Variants in PPM1E observed in about 807,000 individuals in gnomAD.
PPM1E encodes protein phosphatase, Mg2+/Mn2+ dependent 1E, also known as protein phosphatase 1E.
Under a neutral mutation model 65.9 loss-of-function variants are expected in PPM1E, and 20 were observed. That is an observed-to-expected ratio of 0.30 (90% CI 0.21 to 0.44). PPM1E has a LOEUF of 0.44. Among genes scored for constraint, PPM1E ranks in the 20% least tolerant of loss-of-function variants. PPM1E has a pLI of 1.00. For synonymous variants in PPM1E, 352 were observed against 374.9 expected (o/e 0.94, Z 0.70); for missense variants, 713 against 953.1 (o/e 0.75, Z 3.32).
intron 1 of PPM1E, among the ~76,000 whole-genome samples, chr17:58,785,043 G>C (rs537439187): frequency 6.6e-6 from 1 of 152,104 alleles, no homozygotes; most frequent in Non-Finnish European, 1.5e-5. Context: ...GTCCTTTGGT[G>C]TTGCCCAATC....
intron 4 of PPM1E, among the ~76,000 whole-genome samples, chr17:58,970,923 CTCTAT>C (rs549890086): frequency 1.4e-4 from 21 of 152,168 alleles, no homozygotes; most frequent in Non-Finnish European, 2.5e-4. Context: ...CTTCTTCATC[CTCTAT>C]TCTATTCTTT....
intron 1 of PPM1E, among the ~76,000 whole-genome samples, chr17:58,852,793 G>A (rs540878170): frequency 2.6e-5 from 4 of 151,934 alleles, no homozygotes; most frequent in South Asian, 4.2e-4. Flanking sequence ...TATTAGAGAC[G>A]GGGTTTCACC....
chr17:58,984,617 T>G lies in PPM1E; in HGVS notation c.*3586T>G, dbSNP rs3809723. On this transcript the variant is annotated 3_prime_UTR_variant, in exon 7 of 7. Coordinates refer to ENST00000308249, the MANE Select transcript of PPM1E (RefSeq NM_014906.5). ...TTCACCTTTGAAAATCACGTGATGT[T>G]AAAGGACAAATGCCCACTCTTCTAT... 0.38 allele frequency: 58,135 copies of G among 152,450 alleles called. 11,292 individuals carry two copies. The highest frequency in any genetic ancestry group is 0.5 in the Middle Eastern group (148 of 294). The allele number at this position is 152,450 out of a possible 1,614,324, so 9.4% of individuals were successfully genotyped here. A position where few individuals can be genotyped will look rare whatever the true frequency, so the allele number is the denominator to read the frequency against.
intron 1 of PPM1E, among the ~76,000 whole-genome samples, chr17:58,804,661 T>C (rs558242381): frequency 3.3e-4 from 50 of 152,320 alleles, no homozygotes; most frequent in African/African-American, 1.2e-3. Flanking sequence ...ATAATAGTTA[T>C]TTGATATGAA....
intron 1 of PPM1E, among the ~76,000 whole-genome samples, chr17:58,790,916 G>C (rs1417474369): frequency 6.7e-6 from 1 of 150,002 alleles, no homozygotes; most frequent in East Asian, 1.9e-4. Context: ...TTGAGATGGA[G>C]TCTCACTCTG....
At chr17:58,770,927 G>T (rs1041168791) in intron 1 of PPM1E, among the ~76,000 whole-genome samples, 2 of 151,696 alleles carry the variant, frequency 1.3e-5, no homozygotes, top group African/African-American at 4.8e-5. Context: ...CACAATCTCG[G>T]CACGCTGCAG....
chr17:58,946,711 A>G (rs970608760), intron 1 of PPM1E, among the ~76,000 whole-genome samples: 1 of 152,112 alleles, frequency 6.6e-6, no homozygotes, highest in Non-Finnish European at 1.5e-5. Flanking sequence ...CTTGCAAAGT[A>G]CCAAAATTAC....
chr17:58,841,440 A>G (rs946469484), intron 1 of PPM1E, among the ~76,000 whole-genome samples: 1 of 152,156 alleles, frequency 6.6e-6, no homozygotes, highest in African/African-American at 2.4e-5. Flanking sequence ...TCAATATGCT[A>G]TGATGAAAAA....
intron 1 of PPM1E, among the ~76,000 whole-genome samples, chr17:58,915,373 G>A (rs1217534105): frequency 1.3e-5 from 2 of 152,150 alleles, no homozygotes; most frequent in African/African-American, 2.4e-5. Context: ...ACCAGAGGTC[G>A]CTCTGGTTGC....
At chr17:58,851,000 C>G (rs113035148) in intron 1 of PPM1E, among the ~76,000 whole-genome samples, 1 of 152,110 alleles carries the variant, frequency 6.6e-6, no homozygotes, top group Non-Finnish European at 1.5e-5. Flanking sequence ...CTCTAAACTT[C>G]TCTTCTGGCT....
chr17:58,944,455 A>G (rs2052117875), intron 1 of PPM1E, among the ~76,000 whole-genome samples: 1 of 152,096 alleles, frequency 6.6e-6, no homozygotes, highest in Non-Finnish European at 1.5e-5. Context: ...CACCCCAGAA[A>G]GAAACCCCCT....
At chr17:58,846,467 G>A (rs2050772456) in intron 1 of PPM1E, among the ~76,000 whole-genome samples, 1 of 152,114 alleles carries the variant, frequency 6.6e-6, no homozygotes. Flanking sequence ...TCCCCACCCT[G>A]TGTTCAAGTA....
intron 1 of PPM1E, among the ~76,000 whole-genome samples, chr17:58,871,444 T>C (rs893675040): frequency 2.6e-5 from 4 of 152,160 alleles, no homozygotes; most frequent in Non-Finnish European, 5.9e-5. Context: ...TGCCTTTCAG[T>C]TGGCAAGAAC....
At chr17:58,805,520 G>A (rs1232895767) in intron 1 of PPM1E, among the ~76,000 whole-genome samples, 1 of 152,154 alleles carries the variant, frequency 6.6e-6, no homozygotes, top group Non-Finnish European at 1.5e-5. Flanking sequence ...AAAGTGCTGG[G>A]ATTACAGGCG....
intron 1 of PPM1E, among the ~76,000 whole-genome samples, chr17:58,885,460 A>G (rs907092586): frequency 6.6e-6 from 1 of 152,220 alleles, no homozygotes; most frequent in African/African-American, 2.4e-5. Context: ...TAGTTTGTGC[A>G]TATTTATTTT....
At chr17:58,842,224 G>C (rs982520927) in intron 1 of PPM1E, among the ~76,000 whole-genome samples, 3 of 152,168 alleles carry the variant, frequency 2.0e-5, no homozygotes, top group Non-Finnish European at 4.4e-5. Context: ...TCCTCAAAAA[G>C]AGAAAGTCTG....
In PPM1E at chr17:58,982,932, A is replaced by C; in HGVS notation, c.*1901A>C. 1 of 1,574,308 alleles carries C rather than the reference A, an allele frequency of 6.4e-7. No individual in the cohort carries two copies. The highest frequency in any genetic ancestry group is 1.2e-5 in the South Asian group (1 of 85,666). On this transcript the variant is annotated 3_prime_UTR_variant, in exon 7 of 7. Transcript: ENST00000308249. ...TTCAAATCAAATTATCTAAGAAAAC[A>C]AGAAAACAAAGGCAGCAGACTATTG...
At chr17:58,851,203 C>T (rs1468464618) in intron 1 of PPM1E, among the ~76,000 whole-genome samples, 1 of 152,094 alleles carries the variant, frequency 6.6e-6, no homozygotes, top group African/African-American at 2.4e-5. Flanking sequence ...TTTTTAGCTT[C>T]CTGGAGATGG....
In PPM1E at chr17:58,981,260, T is replaced by A. The variant is rs1362583777; in HGVS notation, c.*229T>A. On this transcript the variant is annotated 3_prime_UTR_variant, in exon 7 of 7. Coordinates refer to ENST00000308249, the MANE Select transcript of PPM1E (RefSeq NM_014906.5). The stretch of plus-strand genomic sequence containing the variant: ...TTACACAGCTGGTCCCTGTGATGTG[T>A]CTCGACACCAATACACAACCCCCTT... 2 of 477,966 alleles carry A rather than the reference T, an allele frequency of 4.2e-6. No homozygotes were observed. Among genetic ancestry groups the A allele is most frequent in the African/African-American group, 2.0e-5 (1 of 50,442 alleles). 29.6% of individuals were successfully genotyped at this position (477,966 alleles called of 1,614,324 possible). A position where few individuals can be genotyped will look rare whatever the true frequency, so the allele number is the denominator to read the frequency against.
Sources: allele counts gnomAD v4.1 joint callset (sites outside exome capture counted in the v4.1 genomes callset), GRCh38; gene constraint gnomAD v4.1.1; transcripts MANE v1.5; gene names NCBI Gene and HGNC (gene_info 2026-07-23, HGNC 2026-07-21).